HCK: variants seen among roughly 807,000 people sequenced by gnomAD.
HCK encodes tyrosine-protein kinase HCK.
In HCK, 40 loss-of-function variants were observed where a neutral mutation model predicts 70.4. The ratio of observed to expected loss-of-function variants is 0.57; its 90% CI spans 0.44 to 0.74. The LOEUF is 0.74. Among genes scored for constraint, HCK ranks in the 30% least tolerant of loss-of-function variants. HCK has a pLI of 0.00. For synonymous variants in HCK, 245 were observed against 263.2 expected (o/e 0.93, Z 0.67); for missense variants, 568 against 697.2 (o/e 0.81, Z 2.09).
chr20:32,085,966 T>C (rs1160009133), intron 8 of HCK, among the ~76,000 whole-genome samples: 1 of 152,206 alleles, frequency 6.6e-6, no homozygotes, highest in Non-Finnish European at 1.5e-5. Flanking sequence ...GCGGTGTATG[T>C]GTGTGACATA....
chr20:32,069,259 A>T (rs2045503695), intron 1 of HCK, among the ~76,000 whole-genome samples: 1 of 152,240 alleles, frequency 6.6e-6, no homozygotes, highest in African/African-American at 2.4e-5. Context: ...GAATGAACAC[A>T]GGTCTTCTGA....
At chr20:32,078,481 A>G (rs138697586) in intron 5 of HCK, among the ~76,000 whole-genome samples, 4 of 152,276 alleles carry the variant, frequency 2.6e-5, no homozygotes, top group African/African-American at 9.6e-5. Context: ...TAGACTGCCT[A>G]GCTTCAAATC....
chr20:32,053,873 G>A (rs1444278581), intron 1 of HCK, among the ~76,000 whole-genome samples: 1 of 152,032 alleles, frequency 6.6e-6, no homozygotes, highest in Non-Finnish European at 1.5e-5. Flanking sequence ...TCCATCCCCG[G>A]TGATGCTGCT....
intron 10 of HCK, among the ~76,000 whole-genome samples, chr20:32,093,196 C>A (rs1338640524): frequency 6.6e-6 from 1 of 152,180 alleles, no homozygotes; most frequent in African/African-American, 2.4e-5. Flanking sequence ...CCGCCCACCT[C>A]GGCCTCCCAA....
rs142693218 is a variant in HCK at position 32,085,305 on chromosome 20, C to T, written c.835+762C>T. 4.6e-5 allele frequency among the ~76,000 whole-genome samples: 7 copies of T among 152,232 alleles called. No homozygotes were observed. In the East Asian group the frequency reaches 1.4e-3, roughly 29 times the overall value. ...AGGCAAGTGGATCAATCAAGGTCAG[C>T]AGTTCGAGAAAAACCTGGATAGTAT... On this transcript the variant is annotated intron_variant, in intron 8 of 12. Transcript: ENST00000375852.
At chr20:32,083,404 G>GT (rs1219401330) in intron 6 of HCK, among the ~76,000 whole-genome samples, 5 of 152,238 alleles carry the variant, frequency 3.3e-5, no homozygotes, top group Admixed American at 1.3e-4. Context: ...GGATTTCTGG[G>GT]TTTTTTTCCA....
At chr20:32,063,697 A>C (rs1287450770) in intron 1 of HCK, among the ~76,000 whole-genome samples, 3 of 152,052 alleles carry the variant, frequency 2.0e-5, no homozygotes, top group Non-Finnish European at 4.4e-5. Context: ...CTTTGCCATC[A>C]GCCATTTGCA....
chr20:32,078,267 G>A (rs1202261308), intron 5 of HCK, among the ~76,000 whole-genome samples: 10 of 148,856 alleles, frequency 6.7e-5, no homozygotes, highest in South Asian at 6.4e-4. Context: ...GGATGGTCTC[G>A]AACTCCTGAC....
chr20:32,071,842 T>C (rs1466266268), intron 2 of HCK, 60 bp downstream of exon 2: 15 of 1,578,620 alleles, frequency 9.5e-6, no homozygotes, highest in Non-Finnish European at 1.3e-5. Context: ...AACATTGCCC[T>C]AACAGCCTCC....
intron 5 of HCK, among the ~76,000 whole-genome samples, chr20:32,076,798 A>AT (rs2122549066): frequency 6.6e-6 from 1 of 152,048 alleles, no homozygotes; most frequent in East Asian, 1.9e-4. Context: ...CTAAATACGC[A>AT]TATCTGGCCA....
At chr20:32,086,240 C>T (rs372243836) in intron 8 of HCK, among the ~76,000 whole-genome samples, 16 of 152,306 alleles carry the variant, frequency 1.1e-4, no homozygotes, top group Admixed American at 7.8e-4. Context: ...AGGATGGTCT[C>T]GATCTCCTGA....
chr20:32,079,982 A>C (rs2045686817), intron 6 of HCK, 105 bp downstream of exon 6: 4 of 820,738 alleles, frequency 4.9e-6, no homozygotes, highest in Non-Finnish European at 8.1e-6. Flanking sequence ...TGAAAAACCC[A>C]ACCAGGTGCT....
chr20:32,056,502 C>T (rs1412279410), intron 1 of HCK, among the ~76,000 whole-genome samples: 13 of 148,554 alleles, frequency 8.8e-5, no homozygotes, highest in Admixed American at 8.2e-4. Context: ...GGCGACAGAG[C>T]GAGACTCCTT....
chr20:32,059,754 G>T (rs935348523), intron 1 of HCK, among the ~76,000 whole-genome samples: 1 of 151,964 alleles, frequency 6.6e-6, no homozygotes, highest in Non-Finnish European at 1.5e-5. Flanking sequence ...CGGCTCAAAC[G>T]ATCCTCCTGT....
At chr20:32,058,357 C>T (rs1260931148) in intron 1 of HCK, among the ~76,000 whole-genome samples, 1 of 152,020 alleles carries the variant, frequency 6.6e-6, no homozygotes, top group Non-Finnish European at 1.5e-5. Flanking sequence ...CATGGTGAAA[C>T]CCCGTCTCTA....
intron 2 of HCK, chr20:32,072,675 A>G (rs1419346937): frequency 6.6e-6 from 1 of 150,504 alleles, no homozygotes; most frequent in Non-Finnish European, 1.5e-5. Context: ...CAGAGCCTTT[A>G]TTTATGGAAT....
chr20:32,065,680 G>A (rs1009625700), intron 1 of HCK, among the ~76,000 whole-genome samples: 4 of 152,148 alleles, frequency 2.6e-5, no homozygotes, highest in African/African-American at 9.7e-5. Flanking sequence ...CAGTGAGGAG[G>A]ACGTATATGC....
chr20:32,057,173 C>A (rs1288565851), intron 1 of HCK, among the ~76,000 whole-genome samples: 1 of 152,238 alleles, frequency 6.6e-6, no homozygotes, highest in East Asian at 1.9e-4. Flanking sequence ...GGGGGCTACA[C>A]CTGGGCTGTC....
chr20:32,062,796 C>G (rs1418521415), intron 1 of HCK, among the ~76,000 whole-genome samples: 3 of 152,210 alleles, frequency 2.0e-5, no homozygotes, highest in Non-Finnish European at 4.4e-5. Context: ...ATTCAGAAGA[C>G]AGTCAGGGAA....
Sources: allele counts gnomAD v4.1 joint callset (sites outside exome capture counted in the v4.1 genomes callset), GRCh38; gene constraint gnomAD v4.1.1; transcripts MANE v1.5; gene names NCBI Gene and HGNC (gene_info 2026-07-23, HGNC 2026-07-21).